Variants in OPCML observed in about 807,000 individuals in gnomAD.
The protein encoded by OPCML is opioid-binding protein/cell adhesion molecule.
OPCML carries 13 observed loss-of-function variants against 37.8 expected under a neutral mutation model. The ratio of observed to expected loss-of-function variants is 0.34; its 90% confidence interval spans 0.22 to 0.55. The LOEUF (loss-of-function observed/expected upper bound fraction) is 0.55. Among genes scored for constraint, OPCML ranks in the 20% least tolerant of loss-of-function variants. The pLI is 0.91. For missense variants in OPCML, 341 were observed against 435.6 expected (o/e 0.78, Z 1.93); for synonymous variants, 176 against 168.8 (o/e 1.04, Z -0.33).
At chr11:132,472,200 AT>A (rs1343986101) in intron 4 of OPCML, among the ~76,000 whole-genome samples, 1 of 152,222 alleles carries the variant, frequency 6.6e-6, no homozygotes. Flanking sequence ...TCATTGCAAC[AT>A]GTGTTTTTGT....
At chr11:132,487,766 T>C (rs1023661632) in intron 4 of OPCML, among the ~76,000 whole-genome samples, 4 of 152,194 alleles carry the variant, frequency 2.6e-5, no homozygotes, top group Admixed American at 2.6e-4. Flanking sequence ...ACATTGAAGC[T>C]CAGGGCCATT....
At chr11:132,728,670 A>G (rs1001871496) in intron 2 of OPCML, among the ~76,000 whole-genome samples, 1 of 152,144 alleles carries the variant, frequency 6.6e-6, no homozygotes, top group Non-Finnish European at 1.5e-5. Context: ...CCAGGCATAG[A>G]GTAGCTGCTA....
At chr11:132,854,040 T>A (rs772742721) in intron 2 of OPCML, among the ~76,000 whole-genome samples, 2 of 152,204 alleles carry the variant, frequency 1.3e-5, no homozygotes, top group Non-Finnish European at 2.9e-5. Context: ...TAACATCAGA[T>A]GCCAATATCA....
At chr11:133,200,316 G>C (rs1938718911) in intron 1 of OPCML, among the ~76,000 whole-genome samples, 1 of 148,334 alleles carries the variant, frequency 6.7e-6, no homozygotes, top group Non-Finnish European at 1.5e-5. Context: ...TAAGAGGAGA[G>C]TGGTTTATTT....
intron 2 of OPCML, among the ~76,000 whole-genome samples, chr11:132,665,601 T>C (rs1201866031): frequency 6.6e-6 from 1 of 152,062 alleles, no homozygotes; most frequent in Non-Finnish European, 1.5e-5. Context: ...CCTATCTTGG[T>C]AAAAGAAGTA....
chr11:132,695,560 G>C (rs543629409), intron 2 of OPCML, among the ~76,000 whole-genome samples: 3 of 152,288 alleles, frequency 2.0e-5, no homozygotes, highest in Admixed American at 1.3e-4. Flanking sequence ...AACTTCACTA[G>C]TCTGTGCTAG....
chr11:133,484,127 T>A (rs12799082), intron 1 of OPCML, among the ~76,000 whole-genome samples: 31,917 of 148,796 alleles, frequency 0.21, 3,950 homozygotes, highest in African/African-American at 0.29. Flanking sequence ...GATAGATGAT[T>A]GATAGATAGA....
At chr11:133,339,118 C>T (rs1330758432) in intron 1 of OPCML, among the ~76,000 whole-genome samples, 1 of 152,184 alleles carries the variant, frequency 6.6e-6, no homozygotes, top group Non-Finnish European at 1.5e-5. Context: ...TACAACTCTA[C>T]TCGATTATCT....
At chr11:132,702,910 T>C (rs1048641020) in intron 2 of OPCML, among the ~76,000 whole-genome samples, 2 of 152,192 alleles carry the variant, frequency 1.3e-5, no homozygotes, top group African/African-American at 4.8e-5. Context: ...CTTTCTTTAA[T>C]GGCTCTCATC....
At chr11:133,405,599 T>A (rs982881436) in intron 1 of OPCML, among the ~76,000 whole-genome samples, 2 of 152,198 alleles carry the variant, frequency 1.3e-5, no homozygotes, top group African/African-American at 2.4e-5. Context: ...TCCTTCAGCC[T>A]CTCTCCTGAA....
intron 4 of OPCML, among the ~76,000 whole-genome samples, chr11:132,475,566 G>A (rs1040528764): frequency 6.6e-6 from 1 of 152,126 alleles, no homozygotes; most frequent in Non-Finnish European, 1.5e-5. Context: ...AGAGATGCAG[G>A]AGCACAGAGA....
chr11:132,989,874 A>G (rs978649796), intron 1 of OPCML, among the ~76,000 whole-genome samples: 1 of 152,200 alleles, frequency 6.6e-6, no homozygotes, highest in African/African-American at 2.4e-5. Flanking sequence ...CTTCCACTGC[A>G]TCATTAACTT....
chr11:133,193,116 C>G, intron 1 of OPCML, among the ~76,000 whole-genome samples: 1 of 152,048 alleles, frequency 6.6e-6, no homozygotes. Flanking sequence ...GTGGCAAGAT[C>G]AAGGAGCCTC....
At chr11:132,647,995 A>G (rs1373774834) in intron 3 of OPCML, among the ~76,000 whole-genome samples, 1 of 152,228 alleles carries the variant, frequency 6.6e-6, no homozygotes, top group Non-Finnish European at 1.5e-5. Context: ...TCAAGGCACT[A>G]TGTTTGAGGG....
chr11:133,055,705 C>T (rs1019770728), intron 1 of OPCML, among the ~76,000 whole-genome samples: 2 of 151,520 alleles, frequency 1.3e-5, no homozygotes, highest in Non-Finnish European at 2.9e-5. Flanking sequence ...GGTGAGACCC[C>T]ATGAGGGAGC....
intron 1 of OPCML, among the ~76,000 whole-genome samples, chr11:133,303,014 A>T (rs1278687073): frequency 2.0e-5 from 3 of 152,218 alleles, no homozygotes; most frequent in Non-Finnish European, 4.4e-5. Flanking sequence ...CTCTTCACGA[A>T]CTAATTGTGT....
At chr11:132,448,345 G>A (rs560453719) in intron 4 of OPCML, among the ~76,000 whole-genome samples, 1 of 152,128 alleles carries the variant, frequency 6.6e-6, no homozygotes, top group Non-Finnish European at 1.5e-5. Context: ...TAGCTTGTAG[G>A]CAAAGTACCC....
chr11:132,567,096 C>T (rs904182768), intron 3 of OPCML, among the ~76,000 whole-genome samples: 18 of 151,990 alleles, frequency 1.2e-4, no homozygotes, highest in African/African-American at 4.4e-4. Flanking sequence ...CTCAATCATG[C>T]ATTGGGAGCA....
chr11:133,410,409 T>A (rs929861075), intron 1 of OPCML, among the ~76,000 whole-genome samples: 2 of 152,018 alleles, frequency 1.3e-5, no homozygotes, highest in African/African-American at 2.4e-5. Flanking sequence ...CTGTGGTTGT[T>A]GGGAGGCAGG....
Sources: gnomAD v4.1 joint callset for allele counts (sites outside exome capture counted in the v4.1 genomes callset) on GRCh38, gnomAD v4.1.1 for gene constraint, MANE v1.5 for transcripts, NCBI Gene and HGNC (gene_info 2026-07-23, HGNC 2026-07-21) for gene names.